Variants in MLLT3 observed in about 807,000 individuals in gnomAD.
The protein encoded by MLLT3 is protein AF-9.
MLLT3 carries 4 observed loss-of-function variants against 53.2 expected under a neutral mutation model. The ratio of observed to expected loss-of-function variants is 0.08; its 90% CI spans 0.04 to 0.17. The LOEUF (loss-of-function observed/expected upper bound fraction) is 0.17. Ranked by LOEUF, MLLT3 falls within the 10% of genes least tolerant of loss-of-function variation. The probability of loss-of-function intolerance (pLI) is 1.00; values close to 1 mark genes in which losing one functional copy is unlikely to be tolerated. For missense variants in MLLT3, 569 were observed against 684.0 expected, an observed-to-expected ratio of 0.83 and a Z score of 1.87; for synonymous variants, 283 against 230.6, an observed-to-expected ratio of 1.23 and a Z score of -2.06.
chr9:20,573,290 C>T (rs1005995603), intron 2 of MLLT3, among the ~76,000 whole-genome samples: 1 of 151,922 alleles, frequency 6.6e-6, no homozygotes, highest in Non-Finnish European at 1.5e-5. Flanking sequence ...AGTGATCCTC[C>T]TGCCTCGGCC....
At chr9:20,381,676 A>G (rs1266515000) in intron 5 of MLLT3, among the ~76,000 whole-genome samples, 1 of 151,914 alleles carries the variant, frequency 6.6e-6, no homozygotes, top group African/African-American at 2.4e-5. Flanking sequence ...ATTAAGGGCT[A>G]ATTTTTACCA....
chr9:20,496,847 A>G (rs1051307032), intron 2 of MLLT3, among the ~76,000 whole-genome samples: 15 of 152,156 alleles, frequency 9.9e-5, no homozygotes, highest in Non-Finnish European at 2.2e-4. Context: ...TTTAGGCCCA[A>G]CATACCTATA....
rs570327660 is a variant in MLLT3, at chr9:20,350,549, C to A, written c.1575+2976G>T. Among the ~76,000 whole-genome samples the A allele has an allele frequency of 6.7e-3, 956 of 142,874 alleles. 6 individuals carry two copies. The highest frequency in any genetic ancestry group is 0.017 in the Middle Eastern group (5 of 288). 93.7% of individuals were successfully genotyped at this position (142,874 alleles called of 152,430 possible). A position where few individuals can be genotyped will look rare whatever the true frequency, so the allele number is the denominator to read the frequency against. On this transcript the variant is annotated intron_variant, in intron 10 of 10. Coordinates refer to ENST00000380338, the MANE Select transcript of MLLT3 (RefSeq NM_004529.4). ...GGCGGAGCTTGCAGTGAGCCGAGAT[C>A]CCGCCACTGCACTCCAGCCTGGGCG...
chr9:20,611,815 G>A (rs550379131), intron 2 of MLLT3, among the ~76,000 whole-genome samples: 91 of 152,132 alleles, frequency 6.0e-4, no homozygotes, highest in South Asian at 1.0e-3. Flanking sequence ...AAGTCAAAAG[G>A]ATTAAGTCAT....
chr9:20,436,091 T>C (rs1039207507), intron 4 of MLLT3, among the ~76,000 whole-genome samples: 24 of 152,222 alleles, frequency 1.6e-4, no homozygotes, highest in African/African-American at 5.3e-4. Context: ...ACCCCATGGC[T>C]TACTTGTATC....
intron 2 of MLLT3, among the ~76,000 whole-genome samples, chr9:20,612,650 T>C (rs938149714): frequency 6.6e-6 from 1 of 151,590 alleles, no homozygotes; most frequent in Non-Finnish European, 1.5e-5. Context: ...AAAAAGGATA[T>C]AAAAAGAAGT....
chr9:20,579,814 C>T (rs1227258773), intron 2 of MLLT3, among the ~76,000 whole-genome samples: 1 of 152,194 alleles, frequency 6.6e-6, no homozygotes, highest in Non-Finnish European at 1.5e-5. Flanking sequence ...GGCCTCCAGC[C>T]TGGTGATCCA....
At chr9:20,470,530 C>T (rs1824363049) in intron 2 of MLLT3, among the ~76,000 whole-genome samples, 1 of 151,962 alleles carries the variant, frequency 6.6e-6, no homozygotes, top group Admixed American at 6.6e-5. Flanking sequence ...TATGTCAATG[C>T]CATGCCCAGG....
chr9:20,361,444 C>T (rs757987921), intron 7 of MLLT3, among the ~76,000 whole-genome samples: 2 of 152,154 alleles, frequency 1.3e-5, no homozygotes, highest in Non-Finnish European at 2.9e-5. Context: ...CACAGAGTGA[C>T]ATCTAAGGAT....
intron 2 of MLLT3, among the ~76,000 whole-genome samples, chr9:20,523,925 C>T (rs1277705628): frequency 6.6e-6 from 1 of 150,996 alleles, no homozygotes; most frequent in Non-Finnish European, 1.5e-5. Flanking sequence ...GAGCCAAGAT[C>T]ATGCCACTGC....
chr9:20,360,806 C>T lies in MLLT3; in HGVS notation c.1367G>A (p.Ser456Asn). 6.2e-7 allele frequency: 1 copy of T among 1,614,076 alleles called. No individual in the cohort carries two copies. The highest frequency in any genetic ancestry group is 8.5e-7 in the Non-Finnish European group (1 of 1,179,916). ...GTGATGTAGGGGTGAAGAAGCAGAA[C>T]TGCTTTCACTATCGCTGCCATCACT... Reference protein sequence around the residue: ...SLSDGSDSESSSASSPLHHEP... With the variant: ...SLSDGSDSESNSASSPLHHEP... Residue 456 changes from serine to asparagine, a missense_variant, in exon 8 of 11, where the codon AGT becomes AAT. Physicochemically the swap from Ser to Asn is conservative, Grantham distance 46. This residue lies in a region of MLLT3 where 437 missense variants were observed against 376.5 expected (regional missense o/e 1.16). Coordinates refer to ENST00000380338, the MANE Select transcript of MLLT3 (RefSeq NM_004529.4).
At chr9:20,561,078 T>TTG (rs140702224) in intron 2 of MLLT3, among the ~76,000 whole-genome samples, 4 of 152,130 alleles carry the variant, frequency 2.6e-5, no homozygotes, top group South Asian at 2.1e-4. Context: ...CTACTTTATT[T>TTG]TGTGTGTGTG....
At chr9:20,530,508 C>T (rs1342020709) in intron 2 of MLLT3, among the ~76,000 whole-genome samples, 2 of 152,094 alleles carry the variant, frequency 1.3e-5, no homozygotes, top group Admixed American at 1.3e-4. Flanking sequence ...TTCTAGATGA[C>T]GGAGAGAGGA....
At chr9:20,418,757 C>G (rs1052426246) in intron 4 of MLLT3, among the ~76,000 whole-genome samples, 2 of 152,114 alleles carry the variant, frequency 1.3e-5, no homozygotes, top group African/African-American at 4.8e-5. Context: ...ACTGGGACGA[C>G]AGGTGCACGT....
intron 5 of MLLT3, among the ~76,000 whole-genome samples, chr9:20,370,028 A>T (rs1264356504): frequency 1.3e-5 from 2 of 152,148 alleles, no homozygotes; most frequent in African/African-American, 4.8e-5. Flanking sequence ...CCACCAAAAA[A>T]ATGTTTTACT....
chr9:20,429,084 C>T lies in MLLT3; in HGVS notation c.421-14659G>A, dbSNP rs191535817. ...TCTTCTAAAGAATAGAAAAGACAGG[C>T]AGGTATGGTAGTTCATGCCTGTAAT... On this transcript the variant is annotated intron_variant, in intron 4 of 10. Coordinates refer to ENST00000380338, the MANE Select transcript of MLLT3 (RefSeq NM_004529.4). 2.0e-5 allele frequency among the ~76,000 whole-genome samples: 3 copies of T among 152,226 alleles called. No homozygotes were observed. The East Asian group carries it at 5.8e-4, about 29-fold the overall frequency.
chr9:20,535,936 T>C (rs1264605682), intron 2 of MLLT3, among the ~76,000 whole-genome samples: 1 of 152,190 alleles, frequency 6.6e-6, no homozygotes, highest in Non-Finnish European at 1.5e-5. Flanking sequence ...GACATGACTA[T>C]GTGATTTTAT....
rs1375375026 is a variant in MLLT3, at chr9:20,345,545, C to A, written c.*898G>T. ...TGGAATGCCTTTACTTCCATATTCA[C>A]CTAATATTGTAACAGTAAAACAGAC... On this transcript the variant is annotated 3_prime_UTR_variant, in exon 11 of 11. Transcript: ENST00000380338. 5.0e-6 allele frequency: 1 copy of A among 201,068 alleles called. No homozygotes were observed. The highest frequency in any genetic ancestry group is 7.7e-5 in the East Asian group (1 of 13,068). 12.5% of individuals were successfully genotyped at this position (201,068 alleles called of 1,614,324 possible).
chr9:20,416,143 GA>G, intron 4 of MLLT3, among the ~76,000 whole-genome samples: 1 of 151,780 alleles, frequency 6.6e-6, no homozygotes, highest in Non-Finnish European at 1.5e-5. Context: ...GCAATACTAT[GA>G]ATAATTAAAA....
Sources: gnomAD v4.1 joint callset for allele counts (sites outside exome capture counted in the v4.1 genomes callset) on GRCh38, gnomAD v4.1.1 for gene constraint, gnomAD v4.1.1 regional missense constraint, MANE v1.5 for transcripts, NCBI Gene and HGNC (gene_info 2026-07-23, HGNC 2026-07-21) for gene names.